DGUOK: variants seen among roughly 807,000 people sequenced by gnomAD.
The protein encoded by DGUOK is deoxyguanosine kinase.
A neutral mutation model predicts 36.6 loss-of-function variants in DGUOK; 30 were observed. The observed-to-expected ratio is 0.82, with a 90% CI of 0.61 to 1.11. The LOEUF is 1.11. Among genes scored for constraint, DGUOK ranks in the 50% most tolerant of loss-of-function variants. The probability of loss-of-function intolerance (pLI) is 0.00; values close to 1 mark genes in which losing one functional copy is unlikely to be tolerated. For synonymous variants in DGUOK, 145 were observed against 126.3 expected, an observed-to-expected ratio of 1.15 and a Z score of -0.99; for missense variants, 361 against 336.4, an observed-to-expected ratio of 1.07 and a Z score of -0.57.
At chr2:73,942,084 A>C (rs1293140629) in intron 2 of DGUOK, among the ~76,000 whole-genome samples, 1 of 151,758 alleles carries the variant, frequency 6.6e-6, no homozygotes, top group Non-Finnish European at 1.5e-5. Context: ...TAATTATTGA[A>C]TATTTAGTAG....
chr2:73,945,843 T>G (rs1467094008), intron 2 of DGUOK, among the ~76,000 whole-genome samples: 1 of 152,106 alleles, frequency 6.6e-6, no homozygotes, highest in Non-Finnish European at 1.5e-5. Context: ...GCCAACATGG[T>G]GAAACCCTGT....
intron 4 of DGUOK, among the ~76,000 whole-genome samples, chr2:73,956,686 C>G (rs1305969018): frequency 1.3e-5 from 2 of 152,210 alleles, no homozygotes; most frequent in African/African-American, 4.8e-5. Flanking sequence ...ATATGCTTCC[C>G]TGCCTCCAGG....
chr2:73,942,445 G>A (rs831547), intron 2 of DGUOK, among the ~76,000 whole-genome samples: 1 of 151,900 alleles, frequency 6.6e-6, no homozygotes, highest in African/African-American at 2.4e-5. Flanking sequence ...TATCTACTTA[G>A]CCAGTAGTAT....
intron 1 of DGUOK, among the ~76,000 whole-genome samples, chr2:73,930,782 CTTTT>C (rs1020072202): frequency 2.1e-5 from 2 of 95,476 alleles, no homozygotes; most frequent in Non-Finnish European, 4.3e-5. Context: ...ACATAATTTT[CTTTT>C]TTTTTTTCTT....
At chr2:73,927,198 GT>G in intron 1 of DGUOK, 146 bp downstream of exon 1, 1 of 1,099,740 alleles carries the variant, frequency 9.1e-7, no homozygotes, top group Non-Finnish European at 1.3e-6. Context: ...CCCTCGCAAA[GT>G]GCACTGTGTA....
chr2:73,948,777 T>C (rs1402880957), intron 3 of DGUOK, among the ~76,000 whole-genome samples: 1 of 152,212 alleles, frequency 6.6e-6, no homozygotes, highest in Non-Finnish European at 1.5e-5. Flanking sequence ...CCCTGTTCTG[T>C]CCTGCAGCCC....
chr2:73,932,800 A>G, intron 1 of DGUOK: 1 of 398,616 alleles, frequency 2.5e-6, no homozygotes, highest in Non-Finnish European at 4.4e-6. Context: ...AACTAATGGC[A>G]TCTAGCATGA....
chr2:73,958,087 A>T (rs1335711475), intron 5 of DGUOK, 59 bp from the exon 6 acceptor site: 2 of 1,393,422 alleles, frequency 1.4e-6, no homozygotes, highest in African/African-American at 2.8e-5. Context: ...GAGTATGTGA[A>T]ACTTGACTCA....
At chr2:73,929,030 T>C (rs937412394) in intron 1 of DGUOK, among the ~76,000 whole-genome samples, 1 of 152,226 alleles carries the variant, frequency 6.6e-6, no homozygotes, top group African/African-American at 2.4e-5. Flanking sequence ...GGGCCAATGA[T>C]GACTCCAATT....
chr2:73,947,248 A>C (rs1436027600), intron 3 of DGUOK: 1 of 348,006 alleles, frequency 2.9e-6, no homozygotes, highest in Non-Finnish European at 5.6e-6. Flanking sequence ...CTTAAGTAGC[A>C]GTGTATATTC....
At chr2:73,949,489 T>C (rs1320092078) in intron 3 of DGUOK, among the ~76,000 whole-genome samples, 1 of 152,188 alleles carries the variant, frequency 6.6e-6, no homozygotes, top group Non-Finnish European at 1.5e-5. Context: ...TTCTAAGCAC[T>C]TTGTGAGGAT....
chr2:73,930,437 G>A (rs994762275), intron 1 of DGUOK, among the ~76,000 whole-genome samples: 4 of 152,150 alleles, frequency 2.6e-5, no homozygotes, highest in African/African-American at 7.2e-5. Flanking sequence ...GCCTGATGAT[G>A]TTATTATTTA....
At chr2:73,949,244 G>T (rs1365477245) in intron 3 of DGUOK, among the ~76,000 whole-genome samples, 2 of 152,174 alleles carry the variant, frequency 1.3e-5, no homozygotes, top group Non-Finnish European at 2.9e-5. Flanking sequence ...GAGCCACAGT[G>T]CGTGGCCACT....
intron 4 of DGUOK, 48 bp from the exon 5 acceptor site, chr2:73,957,077 C>A: frequency 1.4e-6 from 2 of 1,388,388 alleles, no homozygotes; most frequent in Non-Finnish European, 2.1e-6. Flanking sequence ...TGCATTGTAG[C>A]AGCCAAAACA....
At chr2:73,954,913 AGG>A in intron 4 of DGUOK, among the ~76,000 whole-genome samples, 1 of 152,156 alleles carries the variant, frequency 6.6e-6, no homozygotes, top group East Asian at 1.9e-4. Context: ...TGAGATGAAG[AGG>A]GGTCAGACTA....
chr2:73,957,636 T>C (rs1391862710), intron 5 of DGUOK, among the ~76,000 whole-genome samples: 1 of 152,244 alleles, frequency 6.6e-6, no homozygotes, highest in African/African-American at 2.4e-5. Context: ...ATCGCACCAC[T>C]GTACTCCAGC....
intron 4 of DGUOK, among the ~76,000 whole-genome samples, chr2:73,951,291 G>T (rs1682686132): frequency 6.6e-6 from 1 of 152,118 alleles, no homozygotes; most frequent in African/African-American, 2.4e-5. Context: ...AGGAGCACCA[G>T]AGTCTCTGGA....
chr2:73,936,409 A>C (rs1681468694), intron 1 of DGUOK, among the ~76,000 whole-genome samples: 1 of 152,214 alleles, frequency 6.6e-6, no homozygotes, highest in Non-Finnish European at 1.5e-5. Context: ...AGATGTGAAG[A>C]AGCACACACA....
At position 73,958,796 on chromosome 2, in the gene DGUOK, T is replaced by C. The variant is rs558589435; in HGVS notation, c.*60T>C. ...CCCTGACTTTCTGAAGCTAGAAAAA[T>C]GTTGTGTCTCCCAACCACCTTTCCA... On this transcript the variant is annotated 3_prime_UTR_variant, in exon 7 of 7. Transcript: ENST00000264093. 4.9e-5 allele frequency: 71 copies of C among 1,463,270 alleles called. No individual in the cohort carries two copies. The South Asian group carries it at 7.3e-4, about 15-fold the overall frequency. 90.6% of individuals were successfully genotyped at this position (1,463,270 alleles called of 1,614,324 possible).
Sources: gnomAD v4.1 joint callset for allele counts (sites outside exome capture counted in the v4.1 genomes callset) on GRCh38, gnomAD v4.1.1 for gene constraint, MANE v1.5 for transcripts, NCBI Gene and HGNC (gene_info 2026-07-23, HGNC 2026-07-21) for gene names.